STX2: variants seen among roughly 807,000 people sequenced by gnomAD.
STX2 encodes syntaxin-2.
In STX2, 27 loss-of-function variants were observed where a neutral mutation model predicts 40.6. The observed-to-expected ratio is 0.66, with a 90% CI of 0.49 to 0.92. The LOEUF is 0.92. Among genes scored for constraint, STX2 ranks in the 40% least tolerant of loss-of-function variants. The pLI is 0.00. For missense variants in STX2, 328 were observed against 366.1 expected (o/e 0.90, Z 0.85); for synonymous variants, 123 against 119.1 (o/e 1.03, Z -0.22).
chr12:130,823,236 C>G (rs1216057232), intron 2 of STX2, among the ~76,000 whole-genome samples: 14 of 152,130 alleles, frequency 9.2e-5, no homozygotes, highest in Admixed American at 9.2e-4. Flanking sequence ...CACTTGGGCC[C>G]AGGAAGTTGA....
rs1951216208 is a variant in STX2 at position 130,801,287 on chromosome 12, T to C, written c.541A>G (p.Ile181Val). Residue 181 changes from isoleucine to valine, a missense_variant, in exon 8 of 11, where the codon ATA (isoleucine) becomes GTA (valine). Coordinates refer to ENST00000392373, the MANE Select transcript of STX2 (RefSeq NM_194356.4). The part of the protein sequence containing the change: ...GKPSIFTSDI[I>V]SDSQITRQAL... ...TGTCTAGTAATTTGTGAATCTGATA[T>C]AATCTTGGAAAAACAAAAATAAAAG... is the stretch of plus-strand genomic sequence containing the variant. 4 of 1,609,492 alleles carry C rather than the reference T, an allele frequency of 2.5e-6. No individual in the cohort carries two copies. The highest frequency in any genetic ancestry group is 1.7e-6 in the Non-Finnish European group (2 of 1,177,352).
At position 130,800,827 on chromosome 12, in the gene STX2, C is replaced by T. The variant is rs184989433; in HGVS notation, c.675+326G>A. On this transcript the variant is annotated intron_variant, in intron 8 of 10. Coordinates refer to ENST00000392373, the MANE Select transcript of STX2 (RefSeq NM_194356.4). The stretch of plus-strand genomic sequence containing the variant: ...CATACACAGAAGATCTTTGTATCTC[C>T]CTTTTCTCTTAATTCTAGCACAAAC... 6.1e-4 allele frequency among the ~76,000 whole-genome samples: 93 copies of T among 152,254 alleles called. 1 individual carries two copies. Among genetic ancestry groups the T allele is most frequent in the African/African-American group, 2.2e-3 (91 of 41,548 alleles).
At chr12:130,803,886 G>A (rs1951328017) in intron 6 of STX2, among the ~76,000 whole-genome samples, 1 of 152,084 alleles carries the variant, frequency 6.6e-6, no homozygotes, top group South Asian at 2.1e-4. Flanking sequence ...TCAATGAGCG[G>A]CAAAATCTGA....
At chr12:130,807,542 C>T (rs1234395210) in intron 5 of STX2, among the ~76,000 whole-genome samples, 1 of 149,106 alleles carries the variant, frequency 6.7e-6, no homozygotes, top group Non-Finnish European at 1.5e-5. Flanking sequence ...TGCTTCATCG[C>T]CTTGTGCCCA....
At chr12:130,837,492 C>T (rs1952788227) in intron 1 of STX2, among the ~76,000 whole-genome samples, 2 of 152,182 alleles carry the variant, frequency 1.3e-5, no homozygotes, top group South Asian at 4.1e-4. Flanking sequence ...CCATGTTGGC[C>T]AGGCTAGTCT....
intron 3 of STX2, among the ~76,000 whole-genome samples, chr12:130,815,587 A>C (rs12370439): frequency 0.014 from 2,147 of 152,312 alleles, 31 homozygotes; most frequent in Middle Eastern, 0.031. Flanking sequence ...ATTTTCAGGA[A>C]TGCAACTGCC....
At chr12:130,829,506 G>A (rs1195237611) in intron 1 of STX2, among the ~76,000 whole-genome samples, 3 of 126,664 alleles carry the variant, frequency 2.4e-5, no homozygotes, top group African/African-American at 2.7e-5. Context: ...GAGCTGTGCT[G>A]CGGAGCCCCA....
chr12:130,838,877 C>CG (rs1952827873), intron 1 of STX2, among the ~76,000 whole-genome samples, 193 bp downstream of exon 1: 1 of 151,554 alleles, frequency 6.6e-6, no homozygotes, highest in Non-Finnish European at 1.5e-5. Context: ...CCGGGACCCC[C>CG]GCCCTGGGGA....
intron 2 of STX2, 136 bp from the exon 3 acceptor site, chr12:130,821,924 C>T: frequency 3.4e-6 from 2 of 587,278 alleles, no homozygotes; most frequent in Non-Finnish European, 6.0e-6. Context: ...CATTCTCACA[C>T]TGGTATCGTT....
chr12:130,819,773 C>G (rs73162886), intron 3 of STX2, among the ~76,000 whole-genome samples: 32 of 152,310 alleles, frequency 2.1e-4, no homozygotes, highest in Non-Finnish European at 2.8e-4. Context: ...TCTAGGAAGC[C>G]TTCTCAGAGC....
intron 4 of STX2, among the ~76,000 whole-genome samples, chr12:130,811,353 G>C (rs1309228520): frequency 1.7e-4 from 14 of 80,910 alleles, no homozygotes; most frequent in Non-Finnish European, 2.9e-4. Flanking sequence ...GTGAGACTCT[G>C]TCTCAAAAAA....
chr12:130,798,445 G>T, intron 9 of STX2, 80 bp downstream of exon 9: 1 of 849,362 alleles, frequency 1.2e-6, no homozygotes, highest in Non-Finnish European at 1.8e-6. Flanking sequence ...ATACCTTTTA[G>T]GCAGGCTTAC....
In STX2 at chr12:130,796,055, C is replaced by T. The variant is rs757571948; in HGVS notation, c.852G>A (p.Leu284=). Residue 284 remains leucine, a synonymous_variant, in exon 10 of 11, where the codon TTG becomes TTA. Coordinates refer to ENST00000392373, the MANE Select transcript of STX2 (RefSeq NM_194356.4). The stretch of plus-strand genomic sequence containing the variant: ...ATCCACACCATCATTTGCCAACTGA[C>T]AAGCCAATAATTAGAGCGATTATGG... ...LVAIIALIIG[L]SVGK is the part of the protein sequence containing the mutation. 3.1e-6 allele frequency: 5 copies of T among 1,613,874 alleles called. No individual in the cohort carries two copies. The South Asian group carries it at 3.3e-5, about 11-fold the overall frequency.
Position 130,791,293 on chromosome 12 carries a change from G to A in STX2, c.*730C>T, listed in dbSNP as rs930175548. On this transcript the variant is annotated 3_prime_UTR_variant, in exon 11 of 11. Coordinates refer to ENST00000392373, the MANE Select transcript of STX2 (RefSeq NM_194356.4). The stretch of plus-strand genomic sequence containing the variant: ...TCCCAGCACTTTGGGAGGCTGAGGT[G>A]GGTGGATCACAAGGTCAGGAGTTTG... 1 of 152,106 alleles carries A rather than the reference G, an allele frequency of 6.6e-6. No individual in the cohort carries two copies. Among genetic ancestry groups the A allele is most frequent in the African/African-American group, 2.4e-5 (1 of 41,396 alleles). 9.4% of individuals were successfully genotyped at this position (152,106 alleles called of 1,614,324 possible).
intron 1 of STX2, among the ~76,000 whole-genome samples, chr12:130,834,356 CAAAAAAAAAAAA>C (rs11355842): frequency 1.1e-5 from 1 of 92,812 alleles, no homozygotes; most frequent in Non-Finnish European, 2.2e-5. Context: ...CACTCTGTCT[CAAAAAAAAAAAA>C]AAAAAAAAAG....
rs756794046 is a variant in STX2 at position 130,818,170 on chromosome 12, C to CAAAAAA, written c.205+3513_205+3518dup. Among the ~76,000 whole-genome samples the CAAAAAA allele has an allele frequency of 1.1e-3, 53 of 49,794 alleles. 4 individuals carry two copies. Among genetic ancestry groups the CAAAAAA allele is most frequent in the African/African-American group, 3.3e-3 (21 of 6,390 alleles). 32.7% of individuals were successfully genotyped at this position (49,794 alleles called of 152,430 possible). On this transcript the variant is annotated intron_variant, in intron 3 of 10. Coordinates refer to ENST00000392373, the MANE Select transcript of STX2 (RefSeq NM_194356.4). ...AACACAGTGAGAAACGCTGTTTCTA[C>CAAAAAA]AAAAAAAAAAAAAAAATATATATAT...
At chr12:130,794,920 C>A (rs1364484654) in intron 10 of STX2, among the ~76,000 whole-genome samples, 1 of 152,122 alleles carries the variant, frequency 6.6e-6, no homozygotes, top group African/African-American at 2.4e-5. Context: ...AAGAATTGTG[C>A]CAAACATTTA....
intron 7 of STX2, 62 bp downstream of exon 7, chr12:130,801,353 G>A: frequency 3.1e-6 from 5 of 1,590,386 alleles, no homozygotes; most frequent in Non-Finnish European, 4.3e-6. Flanking sequence ...AAGTTAAAGG[G>A]TTTTTAAAAA....
chr12:130,825,155 G>T (rs941908123), intron 2 of STX2, among the ~76,000 whole-genome samples: 3 of 150,796 alleles, frequency 2.0e-5, no homozygotes, highest in Non-Finnish European at 4.4e-5. Flanking sequence ...TCCCACCACA[G>T]CCTCCCAAGC....
Sources: gnomAD v4.1 joint callset for allele counts (sites outside exome capture counted in the v4.1 genomes callset) on GRCh38, gnomAD v4.1.1 for gene constraint, MANE v1.5 for transcripts, NCBI Gene and HGNC (gene_info 2026-07-23, HGNC 2026-07-21) for gene names.